Variants in CSMD1 observed in about 807,000 individuals in gnomAD.
CSMD1 encodes CUB and Sushi multiple domains 1.
Under a neutral mutation model 417.5 loss-of-function variants are expected in CSMD1, and 213 were observed. The observed-to-expected ratio is 0.51, with a 90% CI of 0.46 to 0.57. The LOEUF is 0.57. CSMD1 is among the 20% of genes least tolerant of loss of function. The pLI is 0.00. For missense variants in CSMD1, 6,923 were observed against 4,529.7 expected (o/e 1.53, Z -15.17); for synonymous variants, 2,862 against 1,736.8 (o/e 1.65, Z -16.11).
At chr8:3,603,543 T>G (rs2117092462) in intron 8 of CSMD1, among the ~76,000 whole-genome samples, 1 of 152,292 alleles carries the variant, frequency 6.6e-6, no homozygotes, top group African/African-American at 2.4e-5. Flanking sequence ...GAACACTGGT[T>G]CAAGAAATAA....
intron 1 of CSMD1, among the ~76,000 whole-genome samples, chr8:4,986,560 A>T (rs913444674): frequency 7.2e-5 from 11 of 152,224 alleles, no homozygotes; most frequent in Non-Finnish European, 1.6e-4. Context: ...CCTTTCTTAT[A>T]TAACACGAAT....
Position 3,308,523 on chromosome 8 carries a change from G to C in CSMD1, c.3632-20C>G, listed in dbSNP as rs759920735. ...CAAAACCTGCAAGAGAGAAAGGCAA[G>C]GAATGAACAGAACTCAAGGGTGGAC... On this transcript the variant is annotated intron_variant, in intron 23 of 69. Coordinates refer to ENST00000635120, the MANE Select transcript of CSMD1 (RefSeq NM_033225.6). The C allele has an allele frequency of 6.3e-7, 1 of 1,593,838 alleles. No homozygotes were observed. The highest frequency in any genetic ancestry group is 8.6e-7 in the Non-Finnish European group (1 of 1,165,012).
intron 7 of CSMD1, among the ~76,000 whole-genome samples, chr8:3,675,694 C>T (rs889841254): frequency 3.9e-5 from 6 of 152,180 alleles, no homozygotes; most frequent in East Asian, 1.9e-4. Flanking sequence ...AACCAGGAAA[C>T]GGGTCCTTGC....
At chr8:3,683,281 G>C (rs1344518154) in intron 7 of CSMD1, among the ~76,000 whole-genome samples, 2 of 151,910 alleles carry the variant, frequency 1.3e-5, no homozygotes, top group East Asian at 3.9e-4. Flanking sequence ...TGAATAGCCT[G>C]TGGACCCAGA....
chr8:3,568,194 GC>G (rs1397597502), intron 10 of CSMD1, among the ~76,000 whole-genome samples: 1 of 152,086 alleles, frequency 6.6e-6, no homozygotes, highest in Non-Finnish European at 1.5e-5. Flanking sequence ...ATGTTCACTT[GC>G]CAAACAAAAC....
intron 5 of CSMD1, among the ~76,000 whole-genome samples, chr8:3,788,456 A>C (rs2720851): frequency 0.44 from 66,156 of 152,018 alleles, 15,913 homozygotes; most frequent in East Asian, 0.66. Flanking sequence ...TAAGAGGCAG[A>C]AATCAAAATA....
chr8:3,495,896 A>G (rs1796343108), intron 10 of CSMD1, among the ~76,000 whole-genome samples: 1 of 152,056 alleles, frequency 6.6e-6, no homozygotes, highest in Admixed American at 6.6e-5. Context: ...CTTTTTTTAC[A>G]TATAATTATC....
chr8:4,446,673 C>G (rs1318488052), intron 2 of CSMD1, among the ~76,000 whole-genome samples: 5 of 151,990 alleles, frequency 3.3e-5, no homozygotes, highest in Non-Finnish European at 7.4e-5. Flanking sequence ...CTGTCTCAGT[C>G]TCCTGAGTAG....
intron 1 of CSMD1, among the ~76,000 whole-genome samples, chr8:4,776,799 C>T (rs946633136): frequency 2.0e-5 from 3 of 151,840 alleles, no homozygotes; most frequent in Admixed American, 6.6e-5. Flanking sequence ...TATATTAGAG[C>T]CAGACGATTT....
chr8:3,052,328 T>C, intron 50 of CSMD1, 134 bp downstream of exon 50: 1 of 620,048 alleles, frequency 1.6e-6, no homozygotes, highest in Non-Finnish European at 2.8e-6. Context: ...GTTTTAATAT[T>C]GCTATGATGA....
intron 4 of CSMD1, among the ~76,000 whole-genome samples, chr8:4,016,297 T>C (rs990713974): frequency 2.0e-5 from 3 of 151,984 alleles, no homozygotes; most frequent in Non-Finnish European, 2.9e-5. Flanking sequence ...TAGATGGAAA[T>C]AGAAAATAAA....
intron 1 of CSMD1, among the ~76,000 whole-genome samples, chr8:4,655,139 G>A (rs545002829): frequency 6.6e-6 from 1 of 151,974 alleles, no homozygotes; most frequent in South Asian, 2.1e-4. Flanking sequence ...TACTAAGACA[G>A]TTTTGATTCT....
At chr8:4,312,818 T>C (rs958854467) in intron 3 of CSMD1, among the ~76,000 whole-genome samples, 1 of 152,028 alleles carries the variant, frequency 6.6e-6, no homozygotes, top group Non-Finnish European at 1.5e-5. Flanking sequence ...AGGTTGCAGT[T>C]AGCTGAGATC....
At chr8:4,343,740 A>G (rs1016318805) in intron 3 of CSMD1, among the ~76,000 whole-genome samples, 1 of 152,034 alleles carries the variant, frequency 6.6e-6, no homozygotes, top group African/African-American at 2.4e-5. Context: ...AGGAAATATC[A>G]TCTTGATGTG....
At chr8:4,327,954 A>G (rs924759393) in intron 3 of CSMD1, among the ~76,000 whole-genome samples, 1 of 152,176 alleles carries the variant, frequency 6.6e-6, no homozygotes, top group African/African-American at 2.4e-5. Context: ...ACTGTGATCT[A>G]GAAGTTGAAT....
chr8:4,895,795 G>A (rs1187058529), intron 1 of CSMD1, among the ~76,000 whole-genome samples: 2 of 151,600 alleles, frequency 1.3e-5, no homozygotes, highest in Non-Finnish European at 2.9e-5. Context: ...AAATCAATAA[G>A]CTGTACAGCT....
chr8:4,788,526 T>C, intron 1 of CSMD1: 1 of 1,436,132 alleles, frequency 7.0e-7, no homozygotes, highest in Non-Finnish European at 9.7e-7. Flanking sequence ...TGAGCAAGCA[T>C]TTTGAACACA....
At chr8:3,522,664 G>C (rs1797555852) in intron 10 of CSMD1, among the ~76,000 whole-genome samples, 2 of 151,946 alleles carry the variant, frequency 1.3e-5, no homozygotes, top group African/African-American at 4.8e-5. Context: ...TGTGACATGT[G>C]AGTTTCAGTG....
At chr8:4,468,328 C>G (rs984904247) in intron 2 of CSMD1, among the ~76,000 whole-genome samples, 2 of 107,418 alleles carry the variant, frequency 1.9e-5, no homozygotes, top group Admixed American at 2.1e-4. Context: ...GGGCGATAGG[C>G]CTTTTTAAAG....
Sources: allele counts gnomAD v4.1 joint callset (sites outside exome capture counted in the v4.1 genomes callset), GRCh38; gene constraint gnomAD v4.1.1; transcripts MANE v1.5; gene names NCBI Gene and HGNC (gene_info 2026-07-23, HGNC 2026-07-21).